The following MASP1 variants were observed in gnomAD, a reference collection of about 807,000 sequenced individuals.
MASP1 encodes the protein MBL associated serine protease 1.
Under a neutral mutation model 77.1 loss-of-function variants are expected in MASP1, and 59 were observed. The ratio of observed to expected loss-of-function variants is 0.77; its 90% CI spans 0.62 to 0.95. The LOEUF is 0.95. MASP1 is among the 40% of genes least tolerant of loss of function. The pLI is 0.00. For synonymous variants in MASP1, 362 were observed against 354.5 expected (o/e 1.02, Z -0.24); for missense variants, 885 against 912.9 (o/e 0.97, Z 0.39).
chr3:187,262,600 A>C lies in MASP1; in HGVS notation c.358T>G (p.Ser120Ala). The C allele has an allele frequency of 6.2e-7, 1 of 1,614,084 alleles. No homozygotes were observed. Among genetic ancestry groups the C allele is most frequent in the Non-Finnish European group, 8.5e-7 (1 of 1,180,000 alleles). The change falls in exon 3 of 11, where the codon TCA becomes GCA. Residue 120 changes from serine to alanine, a missense_variant. Transcript: ENST00000296280. ...AAACGCTCCTCATTGGAGAAATCTG[A>C]CCGGAAAGTGATGGACATGAAGGAG... ...PGSFMSITFRSDFSNEERFTG... is the reference protein window; with the variant it reads ...PGSFMSITFRADFSNEERFTG...
chr3:187,238,159 T>C (rs941919612), intron 10 of MASP1, among the ~76,000 whole-genome samples: 3 of 152,202 alleles, frequency 2.0e-5, no homozygotes, highest in Admixed American at 1.3e-4. Context: ...TATGGCTTGG[T>C]CCATGGTCAC....
At chr3:187,224,530 T>C (rs888784312) in intron 13 of MASP1, among the ~76,000 whole-genome samples, 8 of 151,786 alleles carry the variant, frequency 5.3e-5, no homozygotes, top group African/African-American at 1.7e-4. Context: ...GTATTTTTAG[T>C]AGAGACGGGG....
intron 2 of MASP1, among the ~76,000 whole-genome samples, chr3:187,266,165 C>T (rs766192175): frequency 6.6e-6 from 1 of 152,136 alleles, no homozygotes; most frequent in Admixed American, 6.5e-5. Context: ...TTCTTGTGGG[C>T]GACTATGTCC....
intron 2 of MASP1, among the ~76,000 whole-genome samples, chr3:187,280,046 T>G (rs997184194): frequency 6.6e-6 from 1 of 152,190 alleles, no homozygotes; most frequent in African/African-American, 2.4e-5. Context: ...TGTGCTTCAT[T>G]CCATAGACAA....
In MASP1 at chr3:187,240,609, T is replaced by G. The variant is rs575466434; in HGVS notation, c.1303+872A>C. On this transcript the variant is annotated intron_variant, in intron 10 of 10. Coordinates refer to ENST00000296280, the MANE Select transcript of MASP1 (RefSeq NM_139125.4). Reference sequence around the variant, plus strand: ...TGACTTGAATAGCTATACATGTGATTGCAATGCAAATCACCCATACTATTT... The same window carrying G: ...TGACTTGAATAGCTATACATGTGATGGCAATGCAAATCACCCATACTATTT... Among the ~76,000 whole-genome samples the G allele has an allele frequency of 4.6e-5, 7 of 152,298 alleles. No homozygotes were observed. The East Asian group carries it at 1.3e-3, about 29-fold the overall frequency.
intron 2 of MASP1, among the ~76,000 whole-genome samples, chr3:187,269,694 C>G (rs17375194): frequency 0.083 from 12,639 of 152,242 alleles, 674 homozygotes; most frequent in Non-Finnish European, 0.12. Flanking sequence ...TTCAGAATTA[C>G]TATGGAGCAG....
chr3:187,223,797 A>G lies in MASP1; in HGVS notation c.1742-603T>C, dbSNP rs569140315. On this transcript the variant is annotated intron_variant, in intron 13 of 15. Transcript: ENST00000337774. Reference sequence around the variant, plus strand: ...GCAATTATTTTCTCATTTGAAAAAGAGCCTGGATACTGAAAACAGTGTTGG... The same window carrying G: ...GCAATTATTTTCTCATTTGAAAAAGGGCCTGGATACTGAAAACAGTGTTGG... Among the ~76,000 whole-genome samples, 14 of 152,364 alleles carry G rather than the reference A, an allele frequency of 9.2e-5. No homozygotes were observed. The East Asian group carries it at 2.7e-3, about 29-fold the overall frequency.
At chr3:187,257,864 G>A (rs535944516) in intron 4 of MASP1, among the ~76,000 whole-genome samples, 1 of 152,088 alleles carries the variant, frequency 6.6e-6, no homozygotes, top group African/African-American at 2.4e-5. Context: ...ACCTTAAAAC[G>A]GAATTCCTGG....
Position 187,256,871 on chromosome 3 carries a change from C to T in MASP1, c.548-11G>A. On this transcript the variant is annotated splice_polypyrimidine_tract_variant and intron_variant, in intron 4 of 10. Coordinates refer to ENST00000296280, the MANE Select transcript of MASP1 (RefSeq NM_139125.4). ...TGTCACTGCACTCCACTGTTGGAAA[C>T]ATAATAGAGAAAATGGCGCATCGCA... 1 of 1,613,100 alleles carries T rather than the reference C, an allele frequency of 6.2e-7. No individual in the cohort carries two copies. Among genetic ancestry groups the T allele is most frequent in the Non-Finnish European group, 8.5e-7 (1 of 1,179,244 alleles).
At chr3:187,255,057 T>G (rs1283588480) in intron 5 of MASP1, among the ~76,000 whole-genome samples, 1 of 152,084 alleles carries the variant, frequency 6.6e-6, no homozygotes, top group Non-Finnish European at 1.5e-5. Context: ...TGTGATGATG[T>G]TATGTTAAAT....
chr3:187,236,525 C>T lies in MASP1; in HGVS notation c.1346G>A (p.Arg449Lys), dbSNP rs1579483002. 1 of 1,614,034 alleles carries T rather than the reference C, an allele frequency of 6.2e-7. No individual in the cohort carries two copies. The highest frequency in any genetic ancestry group is 8.5e-7 in the Non-Finnish European group (1 of 1,179,980). ...PSRSLPSLVK[R>K]IIGGRNAEPG... ...CTCAGCATTTCGGCCCCCAATGATC[C>T]TCTTGACCAGGCTTGGCAGGGAGCG... The change falls in exon 11 of 11, where the codon AGG becomes AAG. Residue 449 changes from arginine (R) to lysine (K), a missense_variant. By Grantham distance (26) the Arg-to-Lys change is conservative. Coordinates refer to ENST00000296280, the MANE Select transcript of MASP1 (RefSeq NM_139125.4).
downstream of MASP1, among the ~76,000 whole-genome samples, chr3:187,232,970 A>C (rs1249067893): frequency 6.6e-6 from 1 of 152,162 alleles, no homozygotes; most frequent in Non-Finnish European, 1.5e-5. Context: ...ATCACGTGCC[A>C]CTCATGCTTG....
chr3:187,234,130 G>A lies in MASP1; in HGVS notation c.*1554C>T. 7.8e-7 allele frequency: 1 copy of A among 1,286,258 alleles called. No individual in the cohort carries two copies. The highest frequency in any genetic ancestry group is 1.5e-5 in the African/African-American group (1 of 65,912). 79.7% of individuals were successfully genotyped at this position (1,286,258 alleles called of 1,614,324 possible). ...TTTCCACTTGAGACCCCTGATGGGAGCAACAATGCAGAGGCCCTTTACAGA... is the reference window on the plus strand; with the variant it reads ...TTTCCACTTGAGACCCCTGATGGGAACAACAATGCAGAGGCCCTTTACAGA... On this transcript the variant is annotated 3_prime_UTR_variant, in exon 11 of 11. Coordinates refer to ENST00000296280, the MANE Select transcript of MASP1 (RefSeq NM_139125.4).
intron 8 of MASP1, among the ~76,000 whole-genome samples, chr3:187,249,644 A>G (rs1344877387): frequency 6.6e-6 from 1 of 152,246 alleles, no homozygotes; most frequent in Non-Finnish European, 1.5e-5. Context: ...ATTCTAAAAT[A>G]TAAAGCTAGT....
intron 1 of MASP1, among the ~76,000 whole-genome samples, chr3:187,288,144 G>A (rs992079820): frequency 5.9e-5 from 9 of 151,974 alleles, no homozygotes; most frequent in Admixed American, 2.6e-4. Flanking sequence ...CCCTACAATA[G>A]CAATATGTGA....
intron 9 of MASP1, chr3:187,243,034 C>T: frequency 7.0e-6 from 2 of 284,524 alleles, no homozygotes; most frequent in Non-Finnish European, 1.4e-5. Context: ...AGATGTTGCC[C>T]TCACCCAGAA....
intron 6 of MASP1, among the ~76,000 whole-genome samples, chr3:187,252,000 G>A (rs766796891): frequency 6.6e-6 from 1 of 152,172 alleles, no homozygotes; most frequent in African/African-American, 2.4e-5. Context: ...AAAACACAGG[G>A]TTGGGAGGAA....
At chr3:187,285,770 T>C in intron 2 of MASP1, 55 bp downstream of exon 2, 1 of 1,387,168 alleles carries the variant, frequency 7.2e-7, no homozygotes, top group Non-Finnish European at 1.0e-6. Context: ...TCATATTGCC[T>C]TGTCTAAATC....
At chr3:187,251,412 TAA>T (rs11454655) in intron 7 of MASP1, 1,350 of 451,964 alleles carry the variant, frequency 3.0e-3, no homozygotes, top group Non-Finnish European at 3.5e-3. Flanking sequence ...ATGCTCTGAT[TAA>T]AAAAAAAAAA....
Sources: gnomAD v4.1 joint callset for allele counts (sites outside exome capture counted in the v4.1 genomes callset) on GRCh38, gnomAD v4.1.1 for gene constraint, MANE v1.5 for transcripts, NCBI Gene and HGNC (gene_info 2026-07-23, HGNC 2026-07-21) for gene names.